The following PGM1 variants were observed in gnomAD, a reference collection of about 807,000 sequenced individuals.
PGM1 encodes phosphoglucomutase 1.
PGM1 carries 52 observed loss-of-function variants against 55.6 expected under a neutral mutation model. The observed-to-expected ratio is 0.94, with a 90% CI of 0.75 to 1.18. The LOEUF is 1.18. Among genes scored for constraint, PGM1 ranks in the 50% most tolerant of loss-of-function variants. The pLI, the probability that PGM1 is intolerant of heterozygous loss-of-function variation, is 0.00. For missense variants in PGM1, 724 were observed against 729.3 expected, an observed-to-expected ratio of 0.99 and a Z score of 0.08; for synonymous variants, 287 against 271.7, an observed-to-expected ratio of 1.06 and a Z score of -0.55.
At chr1:63,633,521 G>A (rs181253129) in intron 4 of PGM1, among the ~76,000 whole-genome samples, 14 of 152,228 alleles carry the variant, frequency 9.2e-5, no homozygotes, top group Admixed American at 5.2e-4. Flanking sequence ...GACCTCTGGG[G>A]CATGTACTGT....
At chr1:63,612,614 G>T (rs1319157231) in intron 1 of PGM1, among the ~76,000 whole-genome samples, 1 of 152,024 alleles carries the variant, frequency 6.6e-6, no homozygotes, top group Non-Finnish European at 1.5e-5. Context: ...GTTGAGTAGC[G>T]CCATGAAGAC....
chr1:63,609,068 T>A (rs187667171), intron 1 of PGM1, among the ~76,000 whole-genome samples: 48 of 152,322 alleles, frequency 3.2e-4, no homozygotes, highest in Non-Finnish European at 1.0e-4. Flanking sequence ...AGGGTCTTTG[T>A]GCCTCTTACC....
chr1:63,593,855 C>G (rs1647950766), intron 1 of PGM1, 121 bp downstream of exon 1: 3 of 1,302,076 alleles, frequency 2.3e-6, no homozygotes, highest in African/African-American at 1.6e-5. Flanking sequence ...GTTTCCACCT[C>G]CCGCTCCTCC....
At chr1:63,653,828 C>A (rs544771385) in intron 9 of PGM1, among the ~76,000 whole-genome samples, 1 of 152,254 alleles carries the variant, frequency 6.6e-6, no homozygotes, top group African/African-American at 2.4e-5. Flanking sequence ...CCAGTCTCTG[C>A]CATTTGGGAC....
At chr1:63,639,228 A>G (rs1384201182) in intron 7 of PGM1, among the ~76,000 whole-genome samples, 1 of 152,136 alleles carries the variant, frequency 6.6e-6, no homozygotes, top group African/African-American at 2.4e-5. Context: ...TTTCTCTTTT[A>G]TAGGCCCAAG....
intron 3 of PGM1, among the ~76,000 whole-genome samples, chr1:63,630,748 T>C (rs367590709): frequency 3.2e-4 from 48 of 152,340 alleles, no homozygotes; most frequent in Middle Eastern, 3.4e-3. Context: ...AGTATTCAGA[T>C]TAATAAAATG....
chr1:63,632,536 C>T (rs1284665987), intron 4 of PGM1, among the ~76,000 whole-genome samples: 1 of 152,172 alleles, frequency 6.6e-6, no homozygotes, highest in Admixed American at 6.5e-5. Context: ...TCCTAGCTGG[C>T]CTCTGGACTC....
At chr1:63,607,929 G>T (rs1648467168) in intron 1 of PGM1, among the ~76,000 whole-genome samples, 1 of 152,116 alleles carries the variant, frequency 6.6e-6, no homozygotes, top group Non-Finnish European at 1.5e-5. Flanking sequence ...ATTAGACATG[G>T]CTCCAGCCAA....
chr1:63,614,082 T>C (rs1240211460), intron 1 of PGM1, among the ~76,000 whole-genome samples: 2 of 152,242 alleles, frequency 1.3e-5, no homozygotes, highest in Non-Finnish European at 2.9e-5. Context: ...TGAGTTGTTA[T>C]TAAGCCTGCA....
chr1:63,599,602 A>G (rs537501008), intron 1 of PGM1, among the ~76,000 whole-genome samples: 42 of 152,132 alleles, frequency 2.8e-4, no homozygotes, highest in African/African-American at 9.6e-4. Context: ...CAGCTTGGAC[A>G]ACATGGTGAA....
Position 63,635,009 on chromosome 1 carries a change from A to G in PGM1, c.863A>G (p.Asp288Gly), listed in dbSNP as rs767882741. 1 of 1,613,702 alleles carries G rather than the reference A, an allele frequency of 6.2e-7. No individual in the cohort carries two copies. Among genetic ancestry groups the G allele is most frequent in the Non-Finnish European group, 8.5e-7 (1 of 1,179,818 alleles). The change falls in exon 5 of 11, where the codon GAT (aspartate) becomes GGT (glycine). Residue 288 changes from aspartate (D) to glycine (G), a missense_variant. Around this residue, in one of 3 missense-constraint regions of PGM1, gnomAD observed 29 missense variants for 58.7 expected, o/e 0.49. Coordinates refer to ENST00000371084, the MANE Select transcript of PGM1 (RefSeq NM_002633.3). ...GAGCATGATTTTGGGGCTGCCTTTG[A>G]TGGAGATGGGGTGGGTATAAGTGCA... ...SGEHDFGAAF[D>G]GDGDRNMILG...
chr1:63,606,073 C>G (rs970201079), intron 1 of PGM1, among the ~76,000 whole-genome samples: 43 of 152,204 alleles, frequency 2.8e-4, no homozygotes, highest in Admixed American at 3.9e-4. Flanking sequence ...TTATTTCTCT[C>G]TGCAGAATGG....
In PGM1 at chr1:63,636,258, C is replaced by G. The variant is rs766866414; in HGVS notation, c.898C>G (p.His300Asp). Residue 300 changes from histidine to aspartate, a missense_variant, in exon 6 of 11, where the codon CAT becomes GAT. This residue lies in a region of PGM1 where 29 missense variants were observed against 58.7 expected (regional missense o/e 0.49). Transcript: ENST00000371084. ...DGDRNMILGK[H>D]GFFVNPSDSV... ...GGATCGAAACATGATTCTGGGCAAG[C>G]ATGGGTTCTTTGTGAACCCTTCAGA... The G allele has an allele frequency of 6.2e-7, 1 of 1,613,914 alleles. No individual in the cohort carries two copies. The highest frequency in any genetic ancestry group is 1.3e-5 in the African/African-American group (1 of 74,940).
At chr1:63,623,878 A>G in intron 1 of PGM1, 1 of 667,030 alleles carries the variant, frequency 1.5e-6, no homozygotes, top group Non-Finnish European at 2.5e-6. Context: ...ACTAACATCC[A>G]GCTAAGTTTC....
At chr1:63,596,254 CTTTT>C (rs531673796) in intron 1 of PGM1, among the ~76,000 whole-genome samples, 3 of 111,330 alleles carry the variant, frequency 2.7e-5, no homozygotes, top group Non-Finnish European at 5.4e-5. Flanking sequence ...TTTTCTTCTT[CTTTT>C]TTTTTTTTTT....
intron 7 of PGM1, among the ~76,000 whole-genome samples, chr1:63,644,165 C>G (rs1035370662): frequency 6.6e-6 from 1 of 152,216 alleles, no homozygotes; most frequent in Admixed American, 6.5e-5. Flanking sequence ...AGGATGTGCC[C>G]TGGCTGAGCC....
At chr1:63,654,237 T>C (rs1649895569) in intron 9 of PGM1, 95 bp from the exon 10 acceptor site, 2 of 1,218,380 alleles carry the variant, frequency 1.6e-6, no homozygotes, top group Middle Eastern at 1.9e-4. Flanking sequence ...TGAACAAGTA[T>C]GGATGAAATT....
rs1241221452 is a variant in PGM1, at chr1:63,651,773, A to C, written c.1385A>C (p.Asn462Thr). The change falls in exon 9 of 11, where the codon AAT becomes ACT. Residue 462 changes from asparagine to threonine, a missense_variant. Physicochemically the swap from Asn to Thr is moderately conservative, Grantham distance 65. Coordinates refer to ENST00000371084, the MANE Select transcript of PGM1 (RefSeq NM_002633.3). ...RSFVGKQFSANDKVYTVEKAD... is the reference protein window; with the variant it reads ...RSFVGKQFSATDKVYTVEKAD... ...TTTGTGGGGAAGCAGTTCTCAGCAA[A>C]TGACAAAGTTTACACTGTGGAGAAG... 14 of 1,613,854 alleles carry C rather than the reference A, an allele frequency of 8.7e-6. No homozygotes were observed. Among genetic ancestry groups the C allele is most frequent in the Non-Finnish European group, 1.1e-5 (13 of 1,179,902 alleles).
intron 7 of PGM1, among the ~76,000 whole-genome samples, chr1:63,646,280 A>T (rs1258137846): frequency 1.3e-5 from 2 of 152,194 alleles, no homozygotes; most frequent in Non-Finnish European, 1.5e-5. Context: ...GTACAGTTCT[A>T]TTCAGAAATC....
Sources: gnomAD v4.1 joint callset for allele counts (sites outside exome capture counted in the v4.1 genomes callset) on GRCh38, gnomAD v4.1.1 for gene constraint, gnomAD v4.1.1 regional missense constraint, MANE v1.5 for transcripts, NCBI Gene and HGNC (gene_info 2026-07-23, HGNC 2026-07-21) for gene names.